SNTG2: variants seen among roughly 807,000 people sequenced by gnomAD.
SNTG2 encodes the protein syntrophin gamma 2, also known as gamma-2-syntrophin.
Under a neutral mutation model 70.9 loss-of-function variants are expected in SNTG2, and 74 were observed. That is an observed-to-expected ratio of 1.04 (90% confidence interval 0.86 to 1.27). The LOEUF is 1.27. Among genes scored for constraint, SNTG2 ranks in the 50% most tolerant of loss-of-function variants. The pLI is 0.00. For synonymous variants in SNTG2, 278 were observed against 273.8 expected, an observed-to-expected ratio of 1.02 and a Z score of -0.15; for missense variants, 717 against 690.7, an observed-to-expected ratio of 1.04 and a Z score of -0.43.
chr2:1,188,168 AAAG>A (rs1302134302), intron 8 of SNTG2, among the ~76,000 whole-genome samples: 2 of 152,372 alleles, frequency 1.3e-5, no homozygotes, highest in East Asian at 3.9e-4. Context: ...GAGTGGATGT[AAAG>A]TACATTCTGA....
intron 14 of SNTG2, among the ~76,000 whole-genome samples, chr2:1,286,618 A>G (rs1445515556): frequency 6.6e-6 from 1 of 152,214 alleles, no homozygotes; most frequent in Non-Finnish European, 1.5e-5. Context: ...TGCATGCAGG[A>G]TAGGCAAACC....
chr2:1,032,120 C>T (rs548705270), intron 1 of SNTG2, among the ~76,000 whole-genome samples: 2 of 152,262 alleles, frequency 1.3e-5, no homozygotes, highest in Admixed American at 6.5e-5. Context: ...TGAAATGAAG[C>T]GTCATCAACA....
Position 1,222,598 on chromosome 2 carries a change from GC to G in SNTG2, c.719+13369del, listed in dbSNP as rs1375711683. Among the ~76,000 whole-genome samples, 38 of 4,452 alleles carry G rather than the reference GC, an allele frequency of 8.5e-3. 1 individual carries two copies. The highest frequency in any genetic ancestry group is 0.039 in the African/African-American group (35 of 890). The allele number at this position is 4,452 out of a possible 152,430, so 2.9% of individuals were successfully genotyped here. A position where few individuals can be genotyped will look rare whatever the true frequency, so the allele number is the denominator to read the frequency against. The stretch of plus-strand genomic sequence containing the variant: ...AGGGCGTCTCCCTGTCCTGCCTGCT[GC>G]TGGAGGTGCTGGATCGCTGTAGAGG... On this transcript the variant is annotated intron_variant, in intron 9 of 16. Coordinates refer to ENST00000308624, the MANE Select transcript of SNTG2 (RefSeq NM_018968.4).
chr2:1,175,761 T>G (rs1263348116), intron 8 of SNTG2, among the ~76,000 whole-genome samples: 3 of 152,192 alleles, frequency 2.0e-5, no homozygotes, highest in Admixed American at 6.5e-5. Context: ...AGGGTTTTTC[T>G]CCCATTGTGT....
At chr2:1,306,685 A>AGTGTGT (rs34835668) in intron 14 of SNTG2, among the ~76,000 whole-genome samples, 26,368 of 148,906 alleles carry the variant, frequency 0.18, 2,399 homozygotes, top group East Asian at 0.35. Context: ...CCAGGGTGTG[A>AGTGTGT]GTGTGTGTGT....
At chr2:1,235,283 G>A (rs1453975879) in intron 9 of SNTG2, among the ~76,000 whole-genome samples, 12 of 88,808 alleles carry the variant, frequency 1.4e-4, no homozygotes, top group Non-Finnish European at 7.3e-5. Flanking sequence ...GGCCCCACCA[G>A]GCACACCCTA....
intron 10 of SNTG2, 35 bp from the exon 11 acceptor site, chr2:1,239,703 G>A: frequency 6.2e-7 from 1 of 1,610,592 alleles, no homozygotes; most frequent in Non-Finnish European, 8.5e-7. Context: ...GGTGTTGGTG[G>A]CTGTGGCCCT....
intron 4 of SNTG2, among the ~76,000 whole-genome samples, chr2:1,115,253 A>C (rs1482525676): frequency 6.6e-6 from 1 of 151,094 alleles, no homozygotes; most frequent in East Asian, 2.0e-4. Context: ...AATTTCGTGT[A>C]CTGAGGTTTA....
chr2:961,879 T>C (rs1004653406), intron 1 of SNTG2, among the ~76,000 whole-genome samples: 2 of 151,922 alleles, frequency 1.3e-5, no homozygotes, highest in African/African-American at 2.4e-5. Context: ...CCAGGCTGGG[T>C]TTATAGAAAA....
At chr2:1,068,550 A>C (rs1399950989) in intron 1 of SNTG2, among the ~76,000 whole-genome samples, 1 of 152,232 alleles carries the variant, frequency 6.6e-6, no homozygotes, top group Non-Finnish European at 1.5e-5. Flanking sequence ...TAAGAAAATC[A>C]GAAATACATT....
At chr2:1,358,106 T>C (rs1323338459) in intron 16 of SNTG2, among the ~76,000 whole-genome samples, 1 of 152,104 alleles carries the variant, frequency 6.6e-6, no homozygotes, top group Non-Finnish European at 1.5e-5. Context: ...CACTCAGGTC[T>C]CCTTTCCTCT....
At chr2:1,222,073 G>A (rs1238115743) in intron 9 of SNTG2, among the ~76,000 whole-genome samples, 62 of 4,628 alleles carry the variant, frequency 0.013, 15 homozygotes, top group East Asian at 0.025. Context: ...GTTTCTCTCT[G>A]TCTCTGTCTC....
chr2:1,106,749 C>T (rs1666190437), intron 4 of SNTG2, among the ~76,000 whole-genome samples: 1 of 79,914 alleles, frequency 1.3e-5, no homozygotes. Flanking sequence ...TAATAATGGA[C>T]ACGTGCTGTC....
chr2:1,117,103 C>T (rs562215541), intron 4 of SNTG2, among the ~76,000 whole-genome samples: 10 of 125,192 alleles, frequency 8.0e-5, no homozygotes, highest in East Asian at 2.5e-4. Flanking sequence ...ACAGGTGCCC[C>T]GGTGTACGGG....
intron 14 of SNTG2, among the ~76,000 whole-genome samples, chr2:1,267,956 T>G (rs893459935): frequency 1.4e-4 from 22 of 152,178 alleles, no homozygotes; most frequent in African/African-American, 5.3e-4. Context: ...TGCAGTTACT[T>G]GGATGTTTGT....
intron 1 of SNTG2, among the ~76,000 whole-genome samples, chr2:1,031,529 T>TATATATATATATATATA (rs372970926): frequency 2.6e-4 from 11 of 42,632 alleles, no homozygotes; most frequent in African/African-American, 6.8e-4. Flanking sequence ...TATATATATA[T>TATATATATATATATATA]TTTTTTTTTT....
At chr2:1,126,222 G>A (rs1425648738) in intron 4 of SNTG2, among the ~76,000 whole-genome samples, 1 of 152,096 alleles carries the variant, frequency 6.6e-6, no homozygotes, top group African/African-American at 2.4e-5. Flanking sequence ...CCGCATATGA[G>A]TGAGAACATG....
At chr2:1,086,873 A>G (rs1664715428) in intron 2 of SNTG2, among the ~76,000 whole-genome samples, 1 of 152,266 alleles carries the variant, frequency 6.6e-6, no homozygotes, top group Middle Eastern at 3.4e-3. Context: ...ATTAAAATAG[A>G]AACAATACCT....
intron 16 of SNTG2, among the ~76,000 whole-genome samples, chr2:1,329,761 G>A (rs1659423978): frequency 6.6e-6 from 1 of 152,172 alleles, no homozygotes; most frequent in African/African-American, 2.4e-5. Flanking sequence ...CATCGTGTGG[G>A]GGAGGCCTTT....
Sources: gnomAD v4.1 joint callset for allele counts (sites outside exome capture counted in the v4.1 genomes callset) on GRCh38, gnomAD v4.1.1 for gene constraint, MANE v1.5 for transcripts, NCBI Gene and HGNC (gene_info 2026-07-23, HGNC 2026-07-21) for gene names.